ASIC5: variants seen among roughly 807,000 people sequenced by gnomAD.
ASIC5 encodes acid sensing ion channel subunit family member 5, also known as bile acid-sensitive ion channel.
A neutral mutation model predicts 51.2 loss-of-function variants in ASIC5; 52 were observed. That is an observed-to-expected ratio of 1.02 (90% CI 0.81 to 1.28). The LOEUF (loss-of-function observed/expected upper bound fraction) is 1.28, where lower values mean the gene tolerates loss of function less well. ASIC5 is among the 50% of genes most tolerant of loss of function. The probability of loss-of-function intolerance (pLI) is 0.00; values close to 1 mark genes in which losing one functional copy is unlikely to be tolerated. For synonymous variants in ASIC5, 231 were observed against 200.7 expected (o/e 1.15, Z -1.28); for missense variants, 635 against 595.0 (o/e 1.07, Z -0.70).
At chr4:155,841,499 G>A (rs1439905290) in intron 6 of ASIC5, among the ~76,000 whole-genome samples, 5 of 152,100 alleles carry the variant, frequency 3.3e-5, no homozygotes, top group Non-Finnish European at 2.9e-5. Flanking sequence ...GAGCAGCCTG[G>A]TTGAGATCCA....
intron 2 of ASIC5, among the ~76,000 whole-genome samples, chr4:155,855,750 A>G (rs1741521050): frequency 6.6e-6 from 1 of 150,496 alleles, no homozygotes; most frequent in Non-Finnish European, 1.5e-5. Flanking sequence ...ATATATATAA[A>G]GAGAGAAGAA....
intron 3 of ASIC5, 104 bp downstream of exon 3, chr4:155,853,973 G>A (rs1429380216): frequency 6.0e-6 from 5 of 833,842 alleles, no homozygotes; most frequent in Non-Finnish European, 7.7e-6. Context: ...AAGCAAATTT[G>A]GATTGATTCA....
At chr4:155,859,895 G>A (rs1741651680) in intron 2 of ASIC5, among the ~76,000 whole-genome samples, 1 of 152,022 alleles carries the variant, frequency 6.6e-6, no homozygotes, top group African/African-American at 2.4e-5. Context: ...TGCTTCAGGG[G>A]AAGACTCCTT....
intron 8 of ASIC5, among the ~76,000 whole-genome samples, chr4:155,836,317 T>C (rs758679336): frequency 6.6e-6 from 1 of 152,222 alleles, no homozygotes; most frequent in Non-Finnish European, 1.5e-5. Flanking sequence ...TATTAATTTC[T>C]GTTTCATCTA....
chr4:155,855,356 C>G (rs575720590), intron 2 of ASIC5: 2 of 152,090 alleles, frequency 1.3e-5, no homozygotes, highest in South Asian at 4.1e-4. Context: ...ATAAATGATT[C>G]ATTCTGGCCA....
At position 155,863,773 on chromosome 4, in the gene ASIC5, A is replaced by G; in HGVS notation, c.41-19T>C. ...AAGAGTCCTTAAGGTTTTGCCCATA[A>G]AATGATTAAACAAAAAAAAGTAATT... is the stretch of plus-strand genomic sequence containing the variant. On this transcript the variant is annotated intron_variant, in intron 1 of 9. Coordinates refer to ENST00000537611, the MANE Select transcript of ASIC5 (RefSeq NM_017419.3). 6.3e-7 allele frequency: 1 copy of G among 1,576,256 alleles called. No individual in the cohort carries two copies. Among genetic ancestry groups the G allele is most frequent in the East Asian group, 2.2e-5 (1 of 44,472 alleles).
rs1001596535 is a variant in ASIC5, at chr4:155,829,776, G to T, written c.*80C>A. 1 of 888,406 alleles carries T rather than the reference G, an allele frequency of 1.1e-6. No individual in the cohort carries two copies. Among genetic ancestry groups the T allele is most frequent in the Non-Finnish European group, 1.6e-6 (1 of 607,128 alleles). The allele number at this position is 888,406 out of a possible 1,614,324, so 55.0% of individuals were successfully genotyped here. On this transcript the variant is annotated 3_prime_UTR_variant, in exon 10 of 10. Coordinates refer to ENST00000537611, the MANE Select transcript of ASIC5 (RefSeq NM_017419.3). The stretch of plus-strand genomic sequence containing the variant: ...CTTTTATCGAACTCTCAAAACTATA[G>T]AAAAGTGACGTAACAATGAATTAGT...
chr4:155,841,223 C>A (rs1445462878), intron 6 of ASIC5, among the ~76,000 whole-genome samples: 2 of 152,068 alleles, frequency 1.3e-5, no homozygotes, highest in Admixed American at 1.3e-4. Context: ...TGGGCAGTTA[C>A]AATATTTTGG....
Position 155,836,804 on chromosome 4 carries a change from G to A in ASIC5, c.1120C>T (p.Pro374Ser). ...TATTCTATTTCTTCACAAGAAACGG[G>A]GCAGCTAGAGTTATGTGTTCCTACT... Reference protein sequence around the residue: ...CTVGTHNSSCPVSCEEIEYPA... With the variant: ...CTVGTHNSSCSVSCEEIEYPA... The change falls in exon 8 of 10, where the codon CCC becomes TCC. Residue 374 changes from proline (P) to serine (S), a missense_variant. Transcript: ENST00000537611. 6.2e-7 allele frequency: 1 copy of A among 1,609,086 alleles called. No homozygotes were observed. Among genetic ancestry groups the A allele is most frequent in the Non-Finnish European group, 8.5e-7 (1 of 1,175,674 alleles).
At chr4:155,839,298 G>T (rs992085478) in intron 6 of ASIC5, among the ~76,000 whole-genome samples, 2 of 151,436 alleles carry the variant, frequency 1.3e-5, no homozygotes, top group African/African-American at 4.9e-5. Context: ...CACAGTTAGG[G>T]GAAACTTGGC....
chr4:155,853,452 C>A (rs927702852), intron 3 of ASIC5, among the ~76,000 whole-genome samples: 15 of 151,356 alleles, frequency 9.9e-5, no homozygotes, highest in Non-Finnish European at 1.9e-4. Context: ...ACAGATAGAT[C>A]TAGTACTTTA....
intron 4 of ASIC5, among the ~76,000 whole-genome samples, chr4:155,845,177 C>CA: frequency 6.6e-6 from 1 of 152,080 alleles, no homozygotes; most frequent in African/African-American, 2.4e-5. Flanking sequence ...TCAGCCAGAC[C>CA]AAACTGAAAG....
At position 155,831,934 on chromosome 4, in the gene ASIC5, G is replaced by T; in HGVS notation, c.1236-19C>A. The T allele has an allele frequency of 2.3e-6, 3 of 1,280,494 alleles. No homozygotes were observed. The highest frequency in any genetic ancestry group is 3.4e-6 in the Non-Finnish European group (3 of 888,908). The allele number at this position is 1,280,494 out of a possible 1,614,324, so 79.3% of individuals were successfully genotyped here. A position where few individuals can be genotyped will look rare whatever the true frequency, so the allele number is the denominator to read the frequency against. On this transcript the variant is annotated intron_variant, in intron 8 of 9. Coordinates refer to ENST00000537611, the MANE Select transcript of ASIC5 (RefSeq NM_017419.3). Reference sequence around the variant, plus strand: ...ATTCTCCCTAGGGATAAAAAAGAGAGTTAATATAGCTTAAGATTGTCAGCA... The same window carrying T: ...ATTCTCCCTAGGGATAAAAAAGAGATTTAATATAGCTTAAGATTGTCAGCA...
At chr4:155,848,549 T>C (rs568804192) in intron 4 of ASIC5, among the ~76,000 whole-genome samples, 178 of 152,208 alleles carry the variant, frequency 1.2e-3, no homozygotes, top group African/African-American at 4.2e-3. Context: ...GTTAAAATTA[T>C]TGTGTACCAC....
At chr4:155,855,687 ATTATC>A (rs1353734380) in intron 2 of ASIC5, among the ~76,000 whole-genome samples, 2 of 149,112 alleles carry the variant, frequency 1.3e-5, no homozygotes, top group African/African-American at 4.9e-5. Flanking sequence ...TTTATATTAT[ATTATC>A]TTATTTAATA....
At chr4:155,856,992 C>T (rs1579297521) in intron 2 of ASIC5, among the ~76,000 whole-genome samples, 1 of 151,338 alleles carries the variant, frequency 6.6e-6, no homozygotes, top group East Asian at 1.9e-4. Flanking sequence ...TATTTGAGAC[C>T]ATGAGAGTAA....
intron 4 of ASIC5, among the ~76,000 whole-genome samples, chr4:155,844,977 AG>A: frequency 6.6e-6 from 1 of 152,184 alleles, no homozygotes; most frequent in Admixed American, 6.6e-5. Context: ...TGAAAAGCTA[AG>A]TCTGCTAGCA....
intron 4 of ASIC5, 51 bp from the exon 5 acceptor site, chr4:155,843,881 C>T (rs754492258): frequency 1.3e-6 from 2 of 1,577,158 alleles, no homozygotes; most frequent in Non-Finnish European, 1.7e-6. Flanking sequence ...TATATCAGTT[C>T]TAAACAAGTT....
chr4:155,834,835 T>C (rs1176799820), intron 8 of ASIC5, among the ~76,000 whole-genome samples: 2 of 151,834 alleles, frequency 1.3e-5, no homozygotes, highest in Admixed American at 6.6e-5. Context: ...AACAAACCAG[T>C]GATGGCAAAA....
Sources: gnomAD v4.1 joint callset for allele counts (sites outside exome capture counted in the v4.1 genomes callset) on GRCh38, gnomAD v4.1.1 for gene constraint, MANE v1.5 for transcripts, NCBI Gene and HGNC (gene_info 2026-07-23, HGNC 2026-07-21) for gene names.